PTPRN2: variants seen among roughly 807,000 people sequenced by gnomAD.
The protein encoded by PTPRN2 is receptor-type tyrosine-protein phosphatase N2.
A neutral mutation model predicts 118.8 loss-of-function variants in PTPRN2; 74 were observed. The observed-to-expected ratio is 0.62, with a 90% CI of 0.52 to 0.76. PTPRN2 has a LOEUF of 0.76. PTPRN2 is among the 30% of genes least tolerant of loss of function. PTPRN2 has a pLI of 0.00. For missense variants in PTPRN2, 1,481 were observed against 1,394.4 expected (o/e 1.06, Z -0.99); for synonymous variants, 641 against 608.0 (o/e 1.05, Z -0.80).
At chr7:158,463,041 C>T (rs1234226759) in intron 2 of PTPRN2, among the ~76,000 whole-genome samples, 2 of 15,744 alleles carry the variant, frequency 1.3e-4, no homozygotes, top group Admixed American at 1.4e-3. Flanking sequence ...CCTGGCTGCA[C>T]ATTACAGTCA....
Position 158,246,415 on chromosome 7 carries a change from G to C in PTPRN2, c.278-41142C>G, listed in dbSNP as rs561192242. Among the ~76,000 whole-genome samples, 3 of 151,452 alleles carry C rather than the reference G, an allele frequency of 2.0e-5. No homozygotes were observed. The South Asian group carries it at 6.4e-4, about 32-fold the overall frequency. On this transcript the variant is annotated intron_variant, in intron 3 of 22. Transcript: ENST00000389418. ...GCGTCTCTCTACCAAGAAGGAAGAAGACGGCTCTCACTGCCCCCAGCTCTA... is the reference window on the plus strand; with the variant it reads ...GCGTCTCTCTACCAAGAAGGAAGAACACGGCTCTCACTGCCCCCAGCTCTA...
At chr7:158,151,836 T>C (rs1003175062) in intron 6 of PTPRN2, among the ~76,000 whole-genome samples, 1 of 152,226 alleles carries the variant, frequency 6.6e-6, no homozygotes, top group African/African-American at 2.4e-5. Context: ...TCCTTGCTTT[T>C]GTGTGACTTC....
At chr7:158,524,555 T>G (rs1357639847) in intron 1 of PTPRN2, among the ~76,000 whole-genome samples, 1 of 146,480 alleles carries the variant, frequency 6.8e-6, no homozygotes, top group Non-Finnish European at 1.5e-5. Context: ...TGCCCTGGAG[T>G]GGAGGGAAGT....
intron 3 of PTPRN2, among the ~76,000 whole-genome samples, chr7:158,297,539 C>T (rs766175946): frequency 8.5e-5 from 13 of 152,150 alleles, no homozygotes; most frequent in Non-Finnish European, 1.3e-4. Flanking sequence ...AGGGTCTTCA[C>T]GTACAGCCCT....
At chr7:157,719,194 G>C (rs1384908440) in intron 12 of PTPRN2, among the ~76,000 whole-genome samples, 1 of 152,224 alleles carries the variant, frequency 6.6e-6, no homozygotes, top group African/African-American at 2.4e-5. Context: ...GGCTGGCCCT[G>C]GGCCCTGTGT....
chr7:157,740,192 C>T (rs1027191068), intron 12 of PTPRN2: 2 of 152,258 alleles, frequency 1.3e-5, no homozygotes, highest in Non-Finnish European at 2.9e-5. Context: ...ACCTTAATGC[C>T]ATTGCCCAGA....
Position 157,801,196 on chromosome 7 carries a change from C to T in PTPRN2, c.1788+97477G>A, listed in dbSNP as rs75853936. ...GCGTCTTGTGCCTCTCATCTGATTC[C>T]GCTACACGGTGCAAGTTACGCCAGA... On this transcript the variant is annotated intron_variant, in intron 12 of 22. Transcript: ENST00000389418. The surrounding 1 kb of genome is among the most constrained non-coding windows in gnomAD (Gnocchi z 4.2). Among the ~76,000 whole-genome samples, 4,127 of 152,030 alleles carry T rather than the reference C, an allele frequency of 0.027. 219 individuals are homozygous for T. Among genetic ancestry groups the T allele is most frequent in the African/African-American group, 0.093 (3,872 of 41,424 alleles).
intron 20 of PTPRN2, 87 bp from the exon 21 acceptor site, chr7:157,569,053 C>T: frequency 7.9e-7 from 1 of 1,272,872 alleles, no homozygotes; most frequent in Non-Finnish European, 1.1e-6. Flanking sequence ...CATTTCCTTC[C>T]TGCTTACGGG....
intron 11 of PTPRN2, among the ~76,000 whole-genome samples, chr7:157,915,794 T>C (rs997537457): frequency 1.3e-5 from 2 of 152,154 alleles, no homozygotes; most frequent in Admixed American, 6.5e-5. Flanking sequence ...AATAATTTAA[T>C]TATTGCCAGA....
chr7:158,157,596 T>C (rs1460752765), intron 6 of PTPRN2, among the ~76,000 whole-genome samples: 1 of 152,172 alleles, frequency 6.6e-6, no homozygotes, highest in East Asian at 1.9e-4. Flanking sequence ...GGTCCGGGAC[T>C]GCCAGCCACA....
intron 14 of PTPRN2, among the ~76,000 whole-genome samples, chr7:157,628,192 A>G (rs1803703638): frequency 6.6e-6 from 1 of 152,246 alleles, no homozygotes; most frequent in South Asian, 2.1e-4. Context: ...CAGAACCCCA[A>G]AATTTGTGTA....
intron 11 of PTPRN2, chr7:158,030,505 G>GC (rs1807608622): frequency 6.6e-6 from 1 of 152,316 alleles, no homozygotes; most frequent in East Asian, 1.9e-4. Context: ...GAAGAGGGAA[G>GC]CCAGTTAAAG....
chr7:157,880,783 A>G (rs1796066496), intron 12 of PTPRN2, among the ~76,000 whole-genome samples: 1 of 152,202 alleles, frequency 6.6e-6, no homozygotes, highest in Admixed American at 6.5e-5. Context: ...TTATTCATTA[A>G]TTCACTCTCC....
In PTPRN2 at chr7:157,627,037, T is replaced by C. The variant is rs1803628315; in HGVS notation, c.2197-5528A>G. On this transcript the variant is annotated intron_variant, in intron 14 of 22. Transcript: ENST00000389418. This position sits in a 1 kb window ranked among gnomAD's most constrained non-coding sequence, Gnocchi z 4.2. ...TTGGAAGGGCAACAGTTCAGAGAGCTCTTCTCTACAAGTCTCCTCCACAAC... is the reference window on the plus strand; with the variant it reads ...TTGGAAGGGCAACAGTTCAGAGAGCCCTTCTCTACAAGTCTCCTCCACAAC... 6.6e-6 allele frequency among the ~76,000 whole-genome samples: 1 copy of C among 152,206 alleles called. No individual in the cohort carries two copies. Among genetic ancestry groups the C allele is most frequent in the Admixed American group, 6.5e-5 (1 of 15,276 alleles).
chr7:158,037,180 T>G (rs535750140), intron 11 of PTPRN2, among the ~76,000 whole-genome samples: 1 of 152,352 alleles, frequency 6.6e-6, no homozygotes, highest in Admixed American at 6.5e-5. Flanking sequence ...ATAAAATATT[T>G]TAAGAACTTT....
At chr7:158,144,614 G>A (rs1367096663) in intron 6 of PTPRN2, among the ~76,000 whole-genome samples, 2 of 152,156 alleles carry the variant, frequency 1.3e-5, no homozygotes, top group Non-Finnish European at 2.9e-5. Context: ...ACTCCAGCCT[G>A]GGCGATAGAG....
intron 12 of PTPRN2, among the ~76,000 whole-genome samples, chr7:157,793,339 C>T (rs546504958): frequency 2.0e-5 from 3 of 152,044 alleles, no homozygotes; most frequent in East Asian, 3.8e-4. Flanking sequence ...ACCCTCGCGG[C>T]GGTGATAACC....
In PTPRN2 at chr7:158,555,737, T is replaced by C. The variant is rs1284574648; in HGVS notation, c.112+31821A>G. 4.0e-5 allele frequency among the ~76,000 whole-genome samples: 6 copies of C among 151,476 alleles called. No individual in the cohort carries two copies. The highest frequency in any genetic ancestry group is 7.3e-5 in the African/African-American group (3 of 41,152). On this transcript the variant is annotated intron_variant, in intron 1 of 22. Coordinates refer to ENST00000389418, the MANE Select transcript of PTPRN2 (RefSeq NM_002847.5). This position sits in a 1 kb window ranked among gnomAD's most constrained non-coding sequence, Gnocchi z 4.7. ...AGCTCTTCCGCCAACAGGTGGCCGGTGTTGCTTCCCAGCGGGTTCCACCCA... is the reference window on the plus strand; with the variant it reads ...AGCTCTTCCGCCAACAGGTGGCCGGCGTTGCTTCCCAGCGGGTTCCACCCA...
chr7:157,557,631 T>G (rs1026474990), intron 21 of PTPRN2, among the ~76,000 whole-genome samples: 1 of 151,900 alleles, frequency 6.6e-6, no homozygotes, highest in Admixed American at 6.6e-5. Context: ...TGATCTTAAC[T>G]AAAGACTTAT....
Sources: allele counts gnomAD v4.1 joint callset (sites outside exome capture counted in the v4.1 genomes callset), GRCh38; gene constraint gnomAD v4.1.1; non-coding constraint Gnocchi (gnomAD v3.1); transcripts MANE v1.5; gene names NCBI Gene and HGNC (gene_info 2026-07-23, HGNC 2026-07-21).